Variants in ANKEF1 observed in about 807,000 individuals in gnomAD.
ANKEF1 encodes ankyrin repeat and EF-hand domain containing 1, also known as ankyrin repeat and EF-hand domain-containing protein 1.
Under a neutral mutation model 65.1 loss-of-function variants are expected in ANKEF1, and 43 were observed. The ratio of observed to expected loss-of-function variants is 0.66; its 90% CI spans 0.52 to 0.85. ANKEF1 has a LOEUF of 0.85. Among genes scored for constraint, ANKEF1 ranks in the 40% least tolerant of loss-of-function variants. The probability of loss-of-function intolerance (pLI) is 0.00; values close to 1 mark genes in which losing one functional copy is unlikely to be tolerated. For synonymous variants in ANKEF1, 316 were observed against 341.5 expected, an observed-to-expected ratio of 0.93 and a Z score of 0.82; for missense variants, 934 against 952.9, an observed-to-expected ratio of 0.98 and a Z score of 0.26.
Position 10,038,486 on chromosome 20 carries a change from A to G in ANKEF1, c.185A>G (p.Asp62Gly). 2 of 1,614,228 alleles carry G rather than the reference A, an allele frequency of 1.2e-6. No homozygotes were observed. The highest frequency in any genetic ancestry group is 2.2e-5 in the South Asian group (2 of 91,080). Residue 62 changes from aspartate (D) to glycine (G), a missense_variant, in exon 3 of 11, where the codon GAT (aspartate) becomes GGT (glycine). Asp to Gly is a moderately conservative substitution (Grantham distance 94, BLOSUM62 -1). Transcript: ENST00000378392. ...TTAGCCTCAGTTTCCAATGATATTGATATGGTCAGCTTTCTCCTTGACCTT... is the reference window on the plus strand; with the variant it reads ...TTAGCCTCAGTTTCCAATGATATTGGTATGGTCAGCTTTCTCCTTGACCTT... ...LHLASVSNDI[D>G]MVSFLLDLGA...
chr20:10,042,832 G>T (rs374610009), intron 3 of ANKEF1, among the ~76,000 whole-genome samples: 4 of 152,298 alleles, frequency 2.6e-5, no homozygotes, highest in African/African-American at 9.6e-5. Flanking sequence ...CTCAGGGTAC[G>T]TATTGCAAGA....
rs1270963172 is a variant in ANKEF1, at chr20:10,056,485, A to AGAT, written c.*826_*828dup. ...GATGATAGATAGATAGATGATAGAT[A>AGAT]GATAGATAGATGATAGATAGATAGA... On this transcript the variant is annotated 3_prime_UTR_variant, in exon 11 of 11. Coordinates refer to ENST00000378392, the MANE Select transcript of ANKEF1 (RefSeq NM_022096.6). 3.1e-5 allele frequency: 4 copies of AGAT among 130,726 alleles called. No homozygotes were observed. Among genetic ancestry groups the AGAT allele is most frequent in the African/African-American group, 1.2e-4 (4 of 33,122 alleles). The allele number at this position is 130,726 out of a possible 1,614,324, so 8.1% of individuals were successfully genotyped here.
chr20:10,051,349 C>A (rs180878419), intron 7 of ANKEF1, among the ~76,000 whole-genome samples: 1 of 152,216 alleles, frequency 6.6e-6, no homozygotes, highest in Admixed American at 6.5e-5. Flanking sequence ...AAATGTATTA[C>A]ATGCAGAGAA....
chr20:10,044,272 A>G (rs1984373454), intron 4 of ANKEF1, 122 bp from the exon 5 acceptor site: 1 of 1,106,692 alleles, frequency 9.0e-7, no homozygotes, highest in Non-Finnish European at 1.2e-6. Context: ...AGAAAAATGT[A>G]GAGAACTAAA....
In ANKEF1 at chr20:10,055,954, ACCATTATGCTTATTATTTTTTTAATTAT is replaced by A; in HGVS notation, c.*297_*324del. Reference sequence around the variant, plus strand: ...CTGTCAAAAGATTTACCAGGTCTACACCATTATGCTTATTATTTTTTTAATTATCCTTTTTATTTATTAAATAGAGACA... The same window carrying A: ...CTGTCAAAAGATTTACCAGGTCTACACCTTTTTATTTATTAAATAGAGACA... On this transcript the variant is annotated 3_prime_UTR_variant, in exon 11 of 11. Coordinates refer to ENST00000378392, the MANE Select transcript of ANKEF1 (RefSeq NM_022096.6). The A allele has an allele frequency of 3.9e-6, 1 of 256,262 alleles. No homozygotes were observed. The allele number at this position is 256,262 out of a possible 1,614,324, so 15.9% of individuals were successfully genotyped here. A position where few individuals can be genotyped will look rare whatever the true frequency, so the allele number is the denominator to read the frequency against.
At position 10,049,982 on chromosome 20, in the gene ANKEF1, T is replaced by A; in HGVS notation, c.1413T>A (p.Asp471Glu). The A allele has an allele frequency of 6.2e-7, 1 of 1,614,086 alleles. No homozygotes were observed. Among genetic ancestry groups the A allele is most frequent in the Non-Finnish European group, 8.5e-7 (1 of 1,179,970 alleles). ...CTGATAGCAGCCGGTTTAATAGAGA[T>A]CATCCCCCAGAACATCCCATTCAGG... The part of the protein sequence containing the change: ...NVTDSSRFNR[D>E]HPPEHPIQDD... The change falls in exon 7 of 11, where the codon GAT becomes GAA. Residue 471 changes from aspartate to glutamate, a missense_variant. Transcript: ENST00000378392.
In ANKEF1 at chr20:10,049,725, CG is replaced by C; in HGVS notation, c.1160del (p.Gly387GlufsTer16). 1 of 1,613,942 alleles carries C rather than the reference CG, an allele frequency of 6.2e-7. No individual in the cohort carries two copies. Among genetic ancestry groups the C allele is most frequent in the Non-Finnish European group, 8.5e-7 (1 of 1,179,980 alleles). ...CATCGCTCACCTTCATGAGAAAACCCGGGGAGGAGGGGTCAATATTAATGAA... is the reference window on the plus strand; with the variant it reads ...CATCGCTCACCTTCATGAGAAAACCCGGGAGGAGGGGTCAATATTAATGAA... ...AAIAHLHEKTRGGGVNINEFF... is the reference protein window; with the variant it reads ...AAIAHLHEKTXGGGVNINEFF... On this transcript the variant is annotated frameshift_variant, in exon 7 of 11. Coordinates refer to ENST00000378392, the MANE Select transcript of ANKEF1 (RefSeq NM_022096.6). LOFTEE classifies it high-confidence loss of function.
chr20:10,036,663 G>A (rs1475783386), intron 2 of ANKEF1, among the ~76,000 whole-genome samples: 3 of 152,180 alleles, frequency 2.0e-5, no homozygotes, highest in Non-Finnish European at 4.4e-5. Flanking sequence ...CCAACATGGT[G>A]AAACCCTGTC....
intron 7 of ANKEF1, among the ~76,000 whole-genome samples, chr20:10,050,582 G>A (rs1289130985): frequency 6.8e-6 from 1 of 147,752 alleles, no homozygotes; most frequent in East Asian, 1.9e-4. Context: ...TAAGCCTATA[G>A]ATCTTATATG....
Position 10,053,172 on chromosome 20 carries a change from A to C in ANKEF1, c.1931A>C (p.Lys644Thr), listed in dbSNP as rs1012937745. The C allele has an allele frequency of 3.1e-6, 5 of 1,613,682 alleles. No homozygotes were observed. Among genetic ancestry groups the C allele is most frequent in the Non-Finnish European group, 4.2e-6 (5 of 1,179,750 alleles). Residue 644 changes from lysine to threonine, a missense_variant, in exon 9 of 11, where the codon AAA becomes ACA. Coordinates refer to ENST00000378392, the MANE Select transcript of ANKEF1 (RefSeq NM_022096.6). ...GATTATAGAATAATTGATCTGATTA[A>C]AGAAAAGCTAGATAACTTGCCGAAA... Reference protein sequence around the residue: ...YADYRIIDLIKEKLDNLPKPA... With the variant: ...YADYRIIDLITEKLDNLPKPA...
chr20:10,052,041 T>C (rs773749970), intron 8 of ANKEF1, 152 bp downstream of exon 8: 27 of 589,636 alleles, frequency 4.6e-5, no homozygotes, highest in Middle Eastern at 4.5e-4. Context: ...GAAGTTTATC[T>C]TATACCAAGT....
chr20:10,048,939 T>G (rs541566743), intron 6 of ANKEF1, among the ~76,000 whole-genome samples: 1 of 152,204 alleles, frequency 6.6e-6, no homozygotes, highest in Non-Finnish European at 1.5e-5. Context: ...ATACACAGAT[T>G]TACAGTTTAA....
At chr20:10,043,088 T>G in intron 3 of ANKEF1, 34 bp from the exon 4 acceptor site, 1 of 1,598,926 alleles carries the variant, frequency 6.3e-7, no homozygotes, top group Non-Finnish European at 8.6e-7. Context: ...TGTATAGATG[T>G]TAAATACTCT....
In ANKEF1 at chr20:10,049,935, A is replaced by G. The variant is rs1175362888; in HGVS notation, c.1366A>G (p.Ile456Val). Reference protein sequence around the residue: ...RQDGGPPYYMIETYKNVTDSS... With the variant: ...RQDGGPPYYMVETYKNVTDSS... Reference sequence around the variant, plus strand: ...GGATGGTGGGCCACCGTATTACATGATTGAGACCTACAAGAATGTCACTGA... The same window carrying G: ...GGATGGTGGGCCACCGTATTACATGGTTGAGACCTACAAGAATGTCACTGA... Residue 456 changes from isoleucine (I) to valine (V), a missense_variant, in exon 7 of 11, where the codon ATT becomes GTT. Transcript: ENST00000378392. 13 of 1,614,218 alleles carry G rather than the reference A, an allele frequency of 8.1e-6. No homozygotes were observed. The highest frequency in any genetic ancestry group is 1.1e-5 in the Non-Finnish European group (13 of 1,180,026).
In ANKEF1 at chr20:10,057,513, G is replaced by T. The variant is rs1985238088; in HGVS notation, c.*1853G>T. ...TAAATGTTAACCACTTACCACATTTGCTCTATCTCTTTCTCCCTCTACATA... is the reference window on the plus strand; with the variant it reads ...TAAATGTTAACCACTTACCACATTTTCTCTATCTCTTTCTCCCTCTACATA... On this transcript the variant is annotated 3_prime_UTR_variant, in exon 11 of 11. Transcript: ENST00000378392. 1 of 152,060 alleles carries T rather than the reference G, an allele frequency of 6.6e-6. No individual in the cohort carries two copies. The highest frequency in any genetic ancestry group is 1.5e-5 in the Non-Finnish European group (1 of 68,008). 9.4% of individuals were successfully genotyped at this position (152,060 alleles called of 1,614,324 possible).
Position 10,054,521 on chromosome 20 carries a change from G to A in ANKEF1, c.2094G>A (p.Lys698=). 6.2e-7 allele frequency: 1 copy of A among 1,608,222 alleles called. No homozygotes were observed. Among genetic ancestry groups the A allele is most frequent in the East Asian group, 2.2e-5 (1 of 44,574 alleles). Residue 698 remains lysine, a synonymous_variant, in exon 10 of 11, where the codon AAG becomes AAA. Coordinates refer to ENST00000378392, the MANE Select transcript of ANKEF1 (RefSeq NM_022096.6). ...CATCAGAGGGAAAGAAAGTACAGAA[G>A]GGTAATGTGGTTCATCTGAATTCAT... ...PTTSEGKKVQ[K]GNVVHLNSLI...
chr20:10,045,051 A>G (rs958572378), intron 5 of ANKEF1, among the ~76,000 whole-genome samples: 1 of 152,170 alleles, frequency 6.6e-6, no homozygotes, highest in Non-Finnish European at 1.5e-5. Flanking sequence ...CTATTTTTTT[A>G]AATTCTGAAT....
intron 5 of ANKEF1, among the ~76,000 whole-genome samples, chr20:10,044,906 C>T (rs1028745895): frequency 5.9e-5 from 9 of 152,098 alleles, no homozygotes; most frequent in Admixed American, 3.3e-4. Context: ...TGCCCTCATA[C>T]TCTTATCTCC....
chr20:10,042,912 A>C (rs1413284031), intron 3 of ANKEF1, among the ~76,000 whole-genome samples: 1 of 152,168 alleles, frequency 6.6e-6, no homozygotes, highest in African/African-American at 2.4e-5. Context: ...AGGTCCTATC[A>C]TATGTGGTTG....
Sources: gnomAD v4.1 joint callset for allele counts (sites outside exome capture counted in the v4.1 genomes callset) on GRCh38, gnomAD v4.1.1 for gene constraint, MANE v1.5 for transcripts, NCBI Gene and HGNC (gene_info 2026-07-23, HGNC 2026-07-21) for gene names.